Variants in KAT2B observed in about 807,000 individuals in gnomAD.
The protein encoded by KAT2B is histone acetyltransferase KAT2B.
A neutral mutation model predicts 105.9 loss-of-function variants in KAT2B; 36 were observed. The ratio of observed to expected loss-of-function variants is 0.34; its 90% confidence interval spans 0.26 to 0.45. The LOEUF (loss-of-function observed/expected upper bound fraction) is 0.45, where lower values mean the gene tolerates loss of function less well. KAT2B is among the 20% of genes least tolerant of loss of function. The pLI is 1.00. For synonymous variants in KAT2B, 397 were observed against 377.9 expected (o/e 1.05, Z -0.59); for missense variants, 820 against 1,021.6 (o/e 0.80, Z 2.69).
At chr3:20,118,409 G>A (rs1699246217) in intron 7 of KAT2B, among the ~76,000 whole-genome samples, 1 of 148,908 alleles carries the variant, frequency 6.7e-6, no homozygotes, top group South Asian at 2.1e-4. Flanking sequence ...TAGAGAGAGA[G>A]AAAAAAAGAG....
intron 2 of KAT2B, among the ~76,000 whole-genome samples, chr3:20,089,873 A>G (rs1698684441): frequency 6.6e-6 from 1 of 151,952 alleles, no homozygotes; most frequent in African/African-American, 2.4e-5. Context: ...ATGGCTGGGC[A>G]TGGTTACTCT....
At chr3:20,121,780 G>A (rs1178617947) in intron 8 of KAT2B, among the ~76,000 whole-genome samples, 3 of 137,028 alleles carry the variant, frequency 2.2e-5, no homozygotes, top group Non-Finnish European at 3.1e-5. Flanking sequence ...GTGTGTGTGT[G>A]TGTATAGCCA....
At chr3:20,132,766 T>A (rs1032984432) in intron 11 of KAT2B, among the ~76,000 whole-genome samples, 8 of 152,196 alleles carry the variant, frequency 5.3e-5, no homozygotes, top group African/African-American at 1.9e-4. Flanking sequence ...GAAAAATATC[T>A]TATGCAGGTT....
chr3:20,104,383 G>A (rs1271442623), intron 5 of KAT2B, among the ~76,000 whole-genome samples: 1 of 152,090 alleles, frequency 6.6e-6, no homozygotes, highest in Non-Finnish European at 1.5e-5. Flanking sequence ...CCACCATCAC[G>A]TCATGTTGAT....
At chr3:20,115,822 C>T (rs1011318523) in intron 7 of KAT2B, among the ~76,000 whole-genome samples, 1 of 152,058 alleles carries the variant, frequency 6.6e-6, no homozygotes, top group African/African-American at 2.4e-5. Context: ...TGTTTTTGTT[C>T]TTACAGTTTT....
chr3:20,061,942 A>T (rs1223376944), intron 1 of KAT2B, among the ~76,000 whole-genome samples: 4 of 119,278 alleles, frequency 3.4e-5, no homozygotes, highest in Admixed American at 1.1e-4. Context: ...ATAAAACATA[A>T]TATATATTAT....
At chr3:20,090,828 G>T (rs1698704649) in intron 2 of KAT2B, among the ~76,000 whole-genome samples, 1 of 152,072 alleles carries the variant, frequency 6.6e-6, no homozygotes, top group Non-Finnish European at 1.5e-5. Flanking sequence ...TCAATCTTGT[G>T]GGGTGGGTTC....
Position 20,067,180 on chromosome 3 carries a change from G to C in KAT2B, c.304-5153G>C, listed in dbSNP as rs1398930385. Among the ~76,000 whole-genome samples, 3 of 152,208 alleles carry C rather than the reference G, an allele frequency of 2.0e-5. No individual in the cohort carries two copies. In the East Asian group the frequency reaches 5.8e-4, roughly 29 times the overall value. On this transcript the variant is annotated intron_variant, in intron 1 of 17. Transcript: ENST00000263754. Reference sequence around the variant, plus strand: ...CTTTGTACTGGGATCCCAAGACTCAGTGGAGGAAGTAAAATCAGCCAGTTT... The same window carrying C: ...CTTTGTACTGGGATCCCAAGACTCACTGGAGGAAGTAAAATCAGCCAGTTT...
intron 1 of KAT2B, among the ~76,000 whole-genome samples, chr3:20,057,221 G>A (rs775636060): frequency 1.3e-5 from 2 of 152,140 alleles, no homozygotes; most frequent in Non-Finnish European, 2.9e-5. Context: ...AAAGGGAATA[G>A]GGTAGTTGAA....
At chr3:20,102,199 C>T (rs547354115) in intron 5 of KAT2B, among the ~76,000 whole-genome samples, 14 of 152,152 alleles carry the variant, frequency 9.2e-5, no homozygotes, top group African/African-American at 3.4e-4. Context: ...GACTGTAATC[C>T]TGGCTACTTG....
chr3:20,085,720 A>G (rs551045289), intron 2 of KAT2B, among the ~76,000 whole-genome samples: 1 of 152,198 alleles, frequency 6.6e-6, no homozygotes, highest in Non-Finnish European at 1.5e-5. Context: ...CACACTAGCC[A>G]GGCTGGCCTC....
At chr3:20,078,348 T>C (rs1473968372) in intron 2 of KAT2B, among the ~76,000 whole-genome samples, 2 of 152,138 alleles carry the variant, frequency 1.3e-5, no homozygotes, top group Non-Finnish European at 2.9e-5. Context: ...TGTCTAGTAA[T>C]AATATTTTAG....
intron 8 of KAT2B, among the ~76,000 whole-genome samples, chr3:20,122,415 G>A (rs1244326844): frequency 6.6e-6 from 1 of 152,156 alleles, no homozygotes; most frequent in Non-Finnish European, 1.5e-5. Context: ...GAAGGAACAT[G>A]TGCCTTAATA....
intron 1 of KAT2B, 88 bp from the exon 2 acceptor site, chr3:20,072,245 A>T: frequency 7.4e-7 from 1 of 1,351,002 alleles, no homozygotes; most frequent in South Asian, 1.2e-5. Context: ...TAGCTGTCAT[A>T]TAATTAGTGT....
intron 2 of KAT2B, among the ~76,000 whole-genome samples, chr3:20,090,920 A>G (rs1698707051): frequency 6.6e-6 from 1 of 151,630 alleles, no homozygotes; most frequent in Non-Finnish European, 1.5e-5. Flanking sequence ...TTATTTATTT[A>G]TTTTTATTTT....
At chr3:20,093,041 C>T (rs527398102) in intron 2 of KAT2B, among the ~76,000 whole-genome samples, 1 of 152,306 alleles carries the variant, frequency 6.6e-6, no homozygotes, top group South Asian at 2.1e-4. Flanking sequence ...ATAAACATAG[C>T]TGCTCCTGCT....
chr3:20,047,081 CT>C (rs879886748), intron 1 of KAT2B, among the ~76,000 whole-genome samples: 39 of 147,890 alleles, frequency 2.6e-4, no homozygotes, highest in Admixed American at 1.6e-3. Flanking sequence ...TTGCCCCCCC[CT>C]TTTTTTTTTC....
At chr3:20,077,773 T>A (rs1278377634) in intron 2 of KAT2B, among the ~76,000 whole-genome samples, 2 of 152,220 alleles carry the variant, frequency 1.3e-5, no homozygotes, top group African/African-American at 4.8e-5. Flanking sequence ...TAATATTCAG[T>A]TTACAAAAAT....
Position 20,152,611 on chromosome 3 carries a change from G to T in KAT2B, c.*86G>T, listed in dbSNP as rs1029762480. The stretch of plus-strand genomic sequence containing the variant: ...TAGTTTTTTACAAAGAATTGGACAT[G>T]ATGTATTGAAGAGACTTGTAAATGT... On this transcript the variant is annotated 3_prime_UTR_variant, in exon 18 of 18. Coordinates refer to ENST00000263754, the MANE Select transcript of KAT2B (RefSeq NM_003884.5). 4 of 1,081,902 alleles carry T rather than the reference G, an allele frequency of 3.7e-6. No individual in the cohort carries two copies. The highest frequency in any genetic ancestry group is 5.4e-6 in the Non-Finnish European group (4 of 740,572). The allele number at this position is 1,081,902 out of a possible 1,614,324, so 67.0% of individuals were successfully genotyped here. A position where few individuals can be genotyped will look rare whatever the true frequency, so the allele number is the denominator to read the frequency against.
Sources: allele counts gnomAD v4.1 joint callset (sites outside exome capture counted in the v4.1 genomes callset), GRCh38; gene constraint gnomAD v4.1.1; transcripts MANE v1.5; gene names NCBI Gene and HGNC (gene_info 2026-07-23, HGNC 2026-07-21).